TROAP: variants seen among roughly 807,000 people sequenced by gnomAD.
TROAP encodes tastin.
TROAP carries 62 observed loss-of-function variants against 83.4 expected under a neutral mutation model. That is an observed-to-expected ratio of 0.74 (90% CI 0.61 to 0.92). TROAP has a LOEUF of 0.92. TROAP is among the 40% of genes least tolerant of loss of function. The probability of loss-of-function intolerance (pLI) is 0.00; values close to 1 mark genes in which losing one functional copy is unlikely to be tolerated. For synonymous variants in TROAP, 352 were observed against 386.4 expected, an observed-to-expected ratio of 0.91 and a Z score of 1.04; for missense variants, 876 against 985.1, an observed-to-expected ratio of 0.89 and a Z score of 1.48.
At position 49,330,909 on chromosome 12, in the gene TROAP, A is replaced by T; in HGVS notation, c.2064A>T (p.Ser688=). The stretch of plus-strand genomic sequence containing the variant: ...TTTGTGCCAGCCCCCCTATCTGCTC[A>T]CTCCAGTCTTTGAGACCCCCAGCAG... ...HPLCASPPIC[S]LQSLRPPAGQ... The change falls in exon 13 of 15, where the codon TCA becomes TCT. Residue 688 remains serine (S), a synonymous_variant. Coordinates refer to ENST00000257909, the MANE Select transcript of TROAP (RefSeq NM_005480.4). 1 of 1,612,222 alleles carries T rather than the reference A, an allele frequency of 6.2e-7. No homozygotes were observed. Among genetic ancestry groups the T allele is most frequent in the Non-Finnish European group, 8.5e-7 (1 of 1,179,916 alleles).
intron 6 of TROAP, 97 bp from the exon 7 acceptor site, chr12:49,326,571 G>A: frequency 2.3e-6 from 3 of 1,302,064 alleles, no homozygotes; most frequent in Non-Finnish European, 1.1e-6. Context: ...TAGTTGTCAT[G>A]AGAATGAAAT....
Position 49,329,172 on chromosome 12 carries a change from A to G in TROAP, c.1032A>G (p.Ser344=). 1 of 1,613,892 alleles carries G rather than the reference A, an allele frequency of 6.2e-7. No individual in the cohort carries two copies. Among genetic ancestry groups the G allele is most frequent in the South Asian group, 1.1e-5 (1 of 91,074 alleles). Residue 344 remains serine, a synonymous_variant, in exon 10 of 15, where the codon TCA becomes TCG. Transcript: ENST00000257909. The surrounding 1 kb of genome is among the most constrained non-coding windows in gnomAD (Gnocchi z 4.5). ...SPGPPTLTSY[S]VLRRLTVQPK... is the part of the protein sequence containing the mutation. Reference sequence around the variant, plus strand: ...ACATCTCTCCCCAGACCTCATATTCAGTGTTGCGGCGTCTCACCGTTCAAC... The same window carrying G: ...ACATCTCTCCCCAGACCTCATATTCGGTGTTGCGGCGTCTCACCGTTCAAC...
At position 49,329,765 on chromosome 12, in the gene TROAP, G is replaced by T; in HGVS notation, c.1165-92G>T. The stretch of plus-strand genomic sequence containing the variant: ...TACATCTAGGGCCTCTCAGTTAGGG[G>T]CTTCAATCCATTCCTCATGAGGGTG... On this transcript the variant is annotated intron_variant, in intron 11 of 14. Transcript: ENST00000257909. This position sits in a 1 kb window ranked among gnomAD's most constrained non-coding sequence, Gnocchi z 4.5. 1.3e-6 allele frequency: 2 copies of T among 1,534,600 alleles called. No homozygotes were observed. The highest frequency in any genetic ancestry group is 1.8e-6 in the Non-Finnish European group (2 of 1,137,102).
intron 6 of TROAP, 92 bp downstream of exon 6, chr12:49,326,250 A>C (rs1347710491): frequency 5.3e-6 from 7 of 1,321,952 alleles, no homozygotes; most frequent in Non-Finnish European, 7.6e-6. Flanking sequence ...GCCTTCCAGG[A>C]GCTTTAGGAC....
In TROAP at chr12:49,329,493, C is replaced by T; in HGVS notation, c.1164+39C>T. On this transcript the variant is annotated intron_variant, in intron 11 of 14. Coordinates refer to ENST00000257909, the MANE Select transcript of TROAP (RefSeq NM_005480.4). The surrounding 1 kb of genome is among the most constrained non-coding windows in gnomAD (Gnocchi z 4.5). ...GCTTCCCCCTACTGAGATCCCTTGC[C>T]CTGTGCTGCCAGCCTGGAGGCCCAG... 1 of 1,569,414 alleles carries T rather than the reference C, an allele frequency of 6.4e-7. No homozygotes were observed.
chr12:49,331,673 C>A lies in TROAP; in HGVS notation c.*56C>A. The A allele has an allele frequency of 6.2e-7, 1 of 1,610,250 alleles. No homozygotes were observed. Among genetic ancestry groups the A allele is most frequent in the African/African-American group, 1.3e-5 (1 of 74,996 alleles). Reference sequence around the variant, plus strand: ...CTTCCTTTTAGCCCTTATTTATTGTCGGTCTGCCCATGGGACTGGGAGCCG... The same window carrying A: ...CTTCCTTTTAGCCCTTATTTATTGTAGGTCTGCCCATGGGACTGGGAGCCG... On this transcript the variant is annotated 3_prime_UTR_variant, in exon 15 of 15. Transcript: ENST00000257909.
At chr12:49,325,426 C>G (rs1417025408) in intron 3 of TROAP, 75 bp from the exon 4 acceptor site, 4 of 1,471,062 alleles carry the variant, frequency 2.7e-6, no homozygotes, top group African/African-American at 1.4e-5. Flanking sequence ...CACCTTGTAC[C>G]TCAAAGTTCC....
At position 49,323,319 on chromosome 12, in the gene TROAP, A is replaced by C; in HGVS notation, c.-36A>C. The C allele has an allele frequency of 8.8e-6, 3 of 340,924 alleles. No homozygotes were observed. Among genetic ancestry groups the C allele is most frequent in the Non-Finnish European group, 1.6e-5 (3 of 186,872 alleles). 21.1% of individuals were successfully genotyped at this position (340,924 alleles called of 1,614,324 possible). On this transcript the variant is annotated 5_prime_UTR_variant, in exon 1 of 15. Coordinates refer to ENST00000257909, the MANE Select transcript of TROAP (RefSeq NM_005480.4). Reference sequence around the variant, plus strand: ...AGAGGGTCAGGAGAAAAGCGGAGGAAGCTGGGTAGGCCCTGAGGGGCCTCG... The same window carrying C: ...AGAGGGTCAGGAGAAAAGCGGAGGACGCTGGGTAGGCCCTGAGGGGCCTCG...
At chr12:49,324,450 C>G (rs1363760718) in intron 3 of TROAP, 1 of 403,676 alleles carries the variant, frequency 2.5e-6, no homozygotes, top group African/African-American at 2.1e-5. Flanking sequence ...CTTTGCAGCA[C>G]TTCTTTTATA....
rs917664694 is a variant in TROAP, at chr12:49,331,396, C to T, written c.2281C>T (p.Gln761Ter). Residue 761 changes from glutamine (Q) to a stop codon, truncating the protein, a stop_gained, in exon 14 of 15, where the codon CAG becomes TAG. Coordinates refer to ENST00000257909, the MANE Select transcript of TROAP (RefSeq NM_005480.4). LOFTEE classifies it high-confidence loss of function. Reference sequence around the variant, plus strand: ...CCCTGTGGCTACATTACTCGAATGGCAGGATGCCCTGGTGAGACTCCAACC... The same window carrying T: ...CCCTGTGGCTACATTACTCGAATGGTAGGATGCCCTGGTGAGACTCCAACC... ...TNPVATLLEW[Q>*]DALCFIPVGS... The T allele has an allele frequency of 6.8e-6, 11 of 1,613,110 alleles. No homozygotes were observed. The highest frequency in any genetic ancestry group is 2.2e-5 in the South Asian group (2 of 91,008).
At position 49,329,259 on chromosome 12, in the gene TROAP, G is replaced by A; in HGVS notation, c.1104+15G>A. The A allele has an allele frequency of 1.9e-6, 3 of 1,614,182 alleles. No individual in the cohort carries two copies. Among genetic ancestry groups the A allele is most frequent in the Non-Finnish European group, 8.5e-7 (1 of 1,180,002 alleles). ...GAGTTCAGCAGGTAAGAGAGGGCAT[G>A]GAGAGGTGGCTGGCATAAGTCACAG... On this transcript the variant is annotated intron_variant, in intron 10 of 14. Transcript: ENST00000257909. This position sits in a 1 kb window ranked among gnomAD's most constrained non-coding sequence, Gnocchi z 4.5.
At chr12:49,325,356 A>G (rs1290178875) in intron 3 of TROAP, 145 bp from the exon 4 acceptor site, 1 of 827,572 alleles carries the variant, frequency 1.2e-6, no homozygotes, top group African/African-American at 1.8e-5. Context: ...GCACCCAGCC[A>G]TCTATTTCTT....
rs1039725596 is a variant in TROAP, at chr12:49,325,846, C to T, written c.595C>T (p.Arg199Ter). Residue 199 changes from arginine to a stop codon, truncating the protein, a stop_gained, in exon 5 of 15, where the codon CGA becomes TGA. Transcript: ENST00000257909. LOFTEE classifies it high-confidence loss of function. The stretch of plus-strand genomic sequence containing the variant: ...CTCTAGGCTGGAGGGACCAGGACCT[C>T]GAGGCCGGACATTGTGCCCCCAGAG... ...CFSRLEGPGP[R>*]GRTLCPQRLQ... The T allele has an allele frequency of 6.2e-7, 1 of 1,613,972 alleles. No homozygotes were observed. The highest frequency in any genetic ancestry group is 8.5e-7 in the Non-Finnish European group (1 of 1,180,040).
At chr12:49,328,214 CTTTTTTTTTTT>C (rs981259606) in intron 8 of TROAP, among the ~76,000 whole-genome samples, 4 of 77,388 alleles carry the variant, frequency 5.2e-5, no homozygotes, top group South Asian at 4.8e-4. Context: ...TGACTTAGGT[CTTTTTTTTTTT>C]TTTTTTTTTT....
chr12:49,326,300 T>G, intron 6 of TROAP, 142 bp downstream of exon 6: 1 of 828,512 alleles, frequency 1.2e-6, no homozygotes, highest in East Asian at 2.6e-5. Context: ...AACCTGTGAT[T>G]ACCCGGGATG....
At chr12:49,325,937 G>C (rs1943493442) in intron 5 of TROAP, 53 bp downstream of exon 5, 2 of 1,605,304 alleles carry the variant, frequency 1.2e-6, no homozygotes, top group Non-Finnish European at 1.7e-6. Context: ...TCCTTCCAGG[G>C]ACAAAGCTGG....
chr12:49,327,362 G>A (rs1243723318), intron 8 of TROAP, 32 bp downstream of exon 8: 2 of 1,602,754 alleles, frequency 1.2e-6, no homozygotes, highest in East Asian at 2.2e-5. Context: ...ATGGTGGGTG[G>A]GAGGTGCAGG....
rs1943585669 is a variant in TROAP at position 49,331,650 on chromosome 12, T to TC, written c.*35dup. 1 of 1,613,890 alleles carries TC rather than the reference T, an allele frequency of 6.2e-7. No individual in the cohort carries two copies. The highest frequency in any genetic ancestry group is 8.5e-7 in the Non-Finnish European group (1 of 1,179,920). ...ACCACTCCTGCCCTGCCGTACTTCT[T>TC]CCTTTTAGCCCTTATTTATTGTCGG... On this transcript the variant is annotated 3_prime_UTR_variant, in exon 15 of 15. Transcript: ENST00000257909.
intron 1 of TROAP, 89 bp from the exon 2 acceptor site, chr12:49,323,515 G>T: frequency 6.5e-7 from 1 of 1,526,896 alleles, no homozygotes; most frequent in Non-Finnish European, 8.9e-7. Flanking sequence ...TTAGGGCGGA[G>T]GTATCAGGGA....
Sources: allele counts gnomAD v4.1 joint callset (sites outside exome capture counted in the v4.1 genomes callset), GRCh38; gene constraint gnomAD v4.1.1; non-coding constraint Gnocchi (gnomAD v3.1); transcripts MANE v1.5; gene names NCBI Gene and HGNC (gene_info 2026-07-23, HGNC 2026-07-21).